The following OCA2 variants were observed in gnomAD, a reference collection of about 807,000 sequenced individuals.
OCA2 encodes the protein OCA2 melanosomal transmembrane protein.
A neutral mutation model predicts 100.2 loss-of-function variants in OCA2; 77 were observed. That is an observed-to-expected ratio of 0.77 (90% confidence interval 0.64 to 0.93). OCA2 has a LOEUF of 0.93. OCA2 is among the 40% of genes least tolerant of loss of function. The pLI is 0.00. For synonymous variants in OCA2, 432 were observed against 439.2 expected, an observed-to-expected ratio of 0.98 and a Z score of 0.21; for missense variants, 1,062 against 1,089.1, an observed-to-expected ratio of 0.98 and a Z score of 0.35.
chr15:28,032,307 G>A (rs550619967), intron 2 of OCA2, 144 bp from the exon 3 acceptor site: 245 of 716,182 alleles, frequency 3.4e-4, no homozygotes, highest in Non-Finnish European at 5.7e-4. Context: ...TGTCTGAATT[G>A]TAAAAGGCTG....
At chr15:27,807,403 C>A (rs1195512040) in intron 23 of OCA2, among the ~76,000 whole-genome samples, 6 of 152,202 alleles carry the variant, frequency 3.9e-5, no homozygotes, top group Non-Finnish European at 7.3e-5. Context: ...TGCTATGTGA[C>A]TTCTCCCTTT....
intron 23 of OCA2, among the ~76,000 whole-genome samples, chr15:27,840,515 CT>C (rs150735130): frequency 0.013 from 2,047 of 152,236 alleles, 63 homozygotes; most frequent in African/African-American, 0.046. Context: ...AGTATGTTGT[CT>C]CTCATAGCTC....
intron 23 of OCA2, among the ~76,000 whole-genome samples, chr15:27,761,545 T>C (rs912894179): frequency 6.6e-6 from 1 of 152,046 alleles, no homozygotes; most frequent in Non-Finnish European, 1.5e-5. Context: ...AGACAAAATG[T>C]TAATTTGCCC....
intron 12 of OCA2, 62 bp from the exon 13 acceptor site, chr15:27,985,250 G>A: frequency 6.3e-7 from 1 of 1,597,110 alleles, no homozygotes. Flanking sequence ...AACAGAGGCA[G>A]CCTTTCATTA....
rs138440818 is a variant in OCA2 at position 27,986,628 on chromosome 15, T to C, written c.1198A>G (p.Ile400Val). ...LLFGMMILVA[I>V]FSETGFFDYC... ...TCGAAAAATCCCGTTTCTGAAAATATGGCTACTAAGATCATCTATGGGGAA... is the reference window on the plus strand; with the variant it reads ...TCGAAAAATCCCGTTTCTGAAAATACGGCTACTAAGATCATCTATGGGGAA... Residue 400 changes from isoleucine (I) to valine (V), a missense_variant, in exon 12 of 24, where the codon ATA (isoleucine) becomes GTA (valine). Ile to Val is a conservative substitution (Grantham distance 29, BLOSUM62 3). Transcript: ENST00000354638. 9.4e-6 allele frequency: 15 copies of C among 1,593,968 alleles called. No homozygotes were observed. The highest frequency in any genetic ancestry group is 1.2e-5 in the Non-Finnish European group (14 of 1,161,328).
chr15:27,937,819 G>T (rs1025904038), intron 18 of OCA2, among the ~76,000 whole-genome samples: 5 of 152,160 alleles, frequency 3.3e-5, no homozygotes, highest in African/African-American at 1.2e-4. Flanking sequence ...ATTTCCAAAT[G>T]TGACAATGGA....
At chr15:27,806,199 C>A (rs1421546227) in intron 23 of OCA2, among the ~76,000 whole-genome samples, 1 of 152,230 alleles carries the variant, frequency 6.6e-6, no homozygotes, top group Non-Finnish European at 1.5e-5. Flanking sequence ...AGAGGGCTGA[C>A]TTCCAGCTTG....
chr15:28,078,545 G>T (rs2044509050), intron 2 of OCA2, among the ~76,000 whole-genome samples: 1 of 152,204 alleles, frequency 6.6e-6, no homozygotes, highest in Non-Finnish European at 1.5e-5. Flanking sequence ...TCAACAGCTG[G>T]CAAGGAACTG....
intron 15 of OCA2, among the ~76,000 whole-genome samples, chr15:27,964,726 A>T (rs528320846): frequency 1.3e-4 from 20 of 152,248 alleles, no homozygotes; most frequent in Middle Eastern, 3.4e-3. Context: ...CAGGCCTGCT[A>T]AACTCAGATC....
At chr15:27,971,675 C>A (rs1421584157) in intron 14 of OCA2, among the ~76,000 whole-genome samples, 3 of 152,156 alleles carry the variant, frequency 2.0e-5, no homozygotes, top group Non-Finnish European at 4.4e-5. Flanking sequence ...TGGTAGGTGG[C>A]AAGAACTTTC....
intron 9 of OCA2, among the ~76,000 whole-genome samples, chr15:28,007,965 G>A (rs554040517): frequency 4.6e-5 from 7 of 152,286 alleles, no homozygotes; most frequent in South Asian, 2.1e-4. Flanking sequence ...TGCCCCCCAC[G>A]TAGGAGCCAA....
At chr15:27,768,418 CTG>C (rs1202162798) in intron 23 of OCA2, among the ~76,000 whole-genome samples, 1 of 152,220 alleles carries the variant, frequency 6.6e-6, no homozygotes, top group African/African-American at 2.4e-5. Flanking sequence ...TTTAAAGACA[CTG>C]TGTTCCCGAC....
intron 21 of OCA2, among the ~76,000 whole-genome samples, chr15:27,864,346 C>T (rs1484624446): frequency 2.0e-5 from 3 of 152,168 alleles, no homozygotes; most frequent in African/African-American, 7.2e-5. Context: ...AATTGCAATC[C>T]GCCAGGCTGG....
In OCA2 at chr15:27,850,264, G is replaced by A. The variant is rs142403825; in HGVS notation, c.2338+1118C>T. On this transcript the variant is annotated intron_variant, in intron 22 of 23. Coordinates refer to ENST00000354638, the MANE Select transcript of OCA2 (RefSeq NM_000275.3). ...CCCTGTGCACTCAGGGCACACCACC[G>A]TTACAGGACGTGTCAGTCTATGCTG... is the stretch of plus-strand genomic sequence containing the variant. 6.6e-3 allele frequency among the ~76,000 whole-genome samples: 1,009 copies of A among 152,196 alleles called. 7 individuals are homozygous for A. Among genetic ancestry groups the A allele is most frequent in the Admixed American group, 0.011 (164 of 15,288 alleles).
chr15:27,727,356 T>C, the OCA2 span, among the ~76,000 whole-genome samples: 2 of 152,172 alleles, frequency 1.3e-5, no homozygotes, highest in Non-Finnish European at 2.9e-5. Context: ...GTTACAGAAG[T>C]GGTAACTTTA....
rs554540615 is a variant in OCA2, at chr15:27,975,063, G to A, written c.1504-8241C>T. Among the ~76,000 whole-genome samples, 194 of 152,296 alleles carry A rather than the reference G, an allele frequency of 1.3e-3. 1 individual carries two copies. Among genetic ancestry groups the A allele is most frequent in the Middle Eastern group, 3.4e-3 (1 of 294 alleles). ...CTGCTCTTTGCCCTCAGTTTTCTAC[G>A]TGGCTTGGTAGAAACACAGCCAGTG... On this transcript the variant is annotated intron_variant, in intron 14 of 23. Transcript: ENST00000354638.
chr15:27,904,943 C>T (rs1256285152), intron 19 of OCA2, among the ~76,000 whole-genome samples: 1 of 152,174 alleles, frequency 6.6e-6, no homozygotes, highest in Admixed American at 6.5e-5. Context: ...GCAGGCGGAT[C>T]ACCTGAGGTC....
At chr15:28,085,130 G>A (rs1389277934) in intron 1 of OCA2, among the ~76,000 whole-genome samples, 1 of 152,068 alleles carries the variant, frequency 6.6e-6, no homozygotes, top group African/African-American at 2.4e-5. Flanking sequence ...CTTCCTTGCT[G>A]CCTATGCCTG....
chr15:27,774,329 G>T (rs976179243), intron 23 of OCA2, among the ~76,000 whole-genome samples: 61 of 152,318 alleles, frequency 4.0e-4, no homozygotes, highest in African/African-American at 1.4e-3. Flanking sequence ...CAAGTTCAAG[G>T]GCCTACATCT....
Sources: gnomAD v4.1 joint callset for allele counts (sites outside exome capture counted in the v4.1 genomes callset) on GRCh38, gnomAD v4.1.1 for gene constraint, MANE v1.5 for transcripts, NCBI Gene and HGNC (gene_info 2026-07-23, HGNC 2026-07-21) for gene names.